The following ATIC variants were observed in gnomAD, a reference collection of about 807,000 sequenced individuals.
The protein encoded by ATIC is 5-aminoimidazole-4-carboxamide ribonucleotide formyltransferase/IMP cyclohydrolase, also known as bifunctional purine biosynthesis protein ATIC.
Under a neutral mutation model 72.5 loss-of-function variants are expected in ATIC, and 64 were observed. The observed-to-expected ratio is 0.88, with a 90% CI of 0.72 to 1.09. ATIC has a LOEUF of 1.09. ATIC is among the 50% of genes least tolerant of loss of function. ATIC has a pLI of 0.00. For synonymous variants in ATIC, 281 were observed against 267.1 expected (o/e 1.05, Z -0.51); for missense variants, 787 against 732.4 (o/e 1.07, Z -0.86).
At chr2:215,358,356 C>T in the ATIC span, among the ~76,000 whole-genome samples, 1 of 151,684 alleles carries the variant, frequency 6.6e-6, no homozygotes, top group Admixed American at 6.6e-5. Context: ...ATAGATTTTT[C>T]TTTTAGTAAT....
rs754181820 is a variant in ATIC at position 215,325,220 on chromosome 2, A to G, written c.291-21A>G. ...ATGAGTGGACTTTTTAATGACAGCC[A>G]GATTCGTCTTTGTTTTATAGAGTTG... On this transcript the variant is annotated intron_variant, in intron 4 of 15. Coordinates refer to ENST00000236959, the MANE Select transcript of ATIC (RefSeq NM_004044.7). 36 of 1,594,710 alleles carry G rather than the reference A, an allele frequency of 2.3e-5. No homozygotes were observed. In the South Asian group the frequency reaches 3.5e-4, roughly 16 times the overall value.
At chr2:215,327,079 C>G in intron 7 of ATIC, 101 bp downstream of exon 7, 1 of 1,555,996 alleles carries the variant, frequency 6.4e-7, no homozygotes. Flanking sequence ...ATGATACATT[C>G]CGTAATGCCT....
chr2:215,338,349 A>G (rs2052979817), intron 11 of ATIC, among the ~76,000 whole-genome samples: 1 of 152,250 alleles, frequency 6.6e-6, no homozygotes, highest in Admixed American at 6.5e-5. Context: ...TTAGAAAGGA[A>G]AATTAGAATT....
chr2:215,366,785 A>G, the ATIC span, among the ~76,000 whole-genome samples: 7 of 152,332 alleles, frequency 4.6e-5, no homozygotes, highest in East Asian at 1.9e-4. Flanking sequence ...CGCTCCCACA[A>G]TTGCACCTAA....
the ATIC span, chr2:215,368,107 T>A: frequency 7.1e-7 from 1 of 1,402,848 alleles, no homozygotes; most frequent in Non-Finnish European, 1.0e-6. Context: ...CGAATGACTG[T>A]ATACAATGAC....
chr2:215,362,230 G>C, the ATIC span: 3 of 681,658 alleles, frequency 4.4e-6, no homozygotes, highest in Admixed American at 4.1e-5. Flanking sequence ...ATGATTTCAT[G>C]CATTTATAAC....
chr2:215,323,069 C>T (rs765002983), intron 4 of ATIC, among the ~76,000 whole-genome samples: 12 of 152,112 alleles, frequency 7.9e-5, no homozygotes, highest in South Asian at 4.1e-4. Flanking sequence ...CTCAGCCTCC[C>T]GAGTAGCTGG....
At chr2:215,335,933 A>G in intron 10 of ATIC, 102 bp from the exon 11 acceptor site, 1 of 907,318 alleles carries the variant, frequency 1.1e-6, no homozygotes, top group Non-Finnish European at 1.7e-6. Context: ...AGAAACCAGA[A>G]TATGCTGCCA....
At chr2:215,350,392 C>G (rs542888814), downstream of ATIC, among the ~76,000 whole-genome samples, 23 of 152,270 alleles carry the variant, frequency 1.5e-4, no homozygotes, top group South Asian at 4.8e-3. Flanking sequence ...CCTGGCCTCC[C>G]AAAGTGCTGG....
intron 4 of ATIC, among the ~76,000 whole-genome samples, chr2:215,320,923 G>C (rs1215836230): frequency 1.3e-5 from 2 of 152,076 alleles, no homozygotes; most frequent in East Asian, 3.9e-4. Flanking sequence ...AACTCAGAGT[G>C]AGGACTCATT....
At chr2:215,347,435 A>G (rs1307998969) in intron 14 of ATIC, among the ~76,000 whole-genome samples, 1 of 152,180 alleles carries the variant, frequency 6.6e-6, no homozygotes, top group Non-Finnish European at 1.5e-5. Flanking sequence ...TTCTGTTTGA[A>G]GAAGGTATGT....
chr2:215,359,075 G>A, the ATIC span, among the ~76,000 whole-genome samples: 1 of 151,952 alleles, frequency 6.6e-6, no homozygotes, highest in Non-Finnish European at 1.5e-5. Context: ...TAGAGACAGG[G>A]GTCTCGCTAT....
At chr2:215,365,580 G>A in the ATIC span, 12 of 1,613,700 alleles carry the variant, frequency 7.4e-6, no homozygotes, top group Non-Finnish European at 8.5e-6. Flanking sequence ...TCTCCCTGAC[G>A]GTCCCACTTC....
At chr2:215,345,463 T>C in intron 13 of ATIC, 1 of 165,142 alleles carries the variant, frequency 6.1e-6, no homozygotes, top group Non-Finnish European at 1.3e-5. Context: ...TACCAAACAT[T>C]TCTCACTGTG....
At chr2:215,362,280 C>T in the ATIC span, 2 of 590,718 alleles carry the variant, frequency 3.4e-6, no homozygotes, top group African/African-American at 1.9e-5. Context: ...CTTATACCTA[C>T]ATCTGTCTCT....
At chr2:215,357,062 T>C in the ATIC span, among the ~76,000 whole-genome samples, 1 of 152,170 alleles carries the variant, frequency 6.6e-6, no homozygotes, top group Non-Finnish European at 1.5e-5. Flanking sequence ...GAATGAGGGT[T>C]CCAGTTGCTC....
chr2:215,331,675 C>G (rs1325885192), intron 7 of ATIC, among the ~76,000 whole-genome samples: 1 of 152,108 alleles, frequency 6.6e-6, no homozygotes. Flanking sequence ...AGCCATTGTA[C>G]CCGGCTCATT....
chr2:215,319,677 G>T lies in ATIC; in HGVS notation c.236G>T (p.Arg79Leu), dbSNP rs149652377. ...TTTTTTAAATTAGGAATCCTAGCTC[G>T]TAATATTCCAGAAGATAATGCTGAC... ...HPAVHAGILA[R>L]NIPEDNADMA... The change falls in exon 4 of 16, where the codon CGT becomes CTT. Residue 79 changes from arginine (R) to leucine (L), a missense_variant. By Grantham distance (102) the Arg-to-Leu change is moderately radical. Coordinates refer to ENST00000236959, the MANE Select transcript of ATIC (RefSeq NM_004044.7). 1.2e-6 allele frequency: 2 copies of T among 1,610,196 alleles called. No individual in the cohort carries two copies. Among genetic ancestry groups the T allele is most frequent in the Admixed American group, 3.3e-5 (2 of 59,996 alleles).
intron 11 of ATIC, among the ~76,000 whole-genome samples, chr2:215,336,378 G>A (rs964172376): frequency 2.0e-5 from 3 of 152,214 alleles, no homozygotes; most frequent in African/African-American, 7.2e-5. Context: ...AGAGGCTGAT[G>A]TGGGAGGATG....
Sources: gnomAD v4.1 joint callset for allele counts (sites outside exome capture counted in the v4.1 genomes callset) on GRCh38, gnomAD v4.1.1 for gene constraint, MANE v1.5 for transcripts, NCBI Gene and HGNC (gene_info 2026-07-23, HGNC 2026-07-21) for gene names.